The following PTPRA variants were observed in gnomAD, a reference collection of about 807,000 sequenced individuals.
PTPRA encodes protein tyrosine phosphatase receptor type A.
Under a neutral mutation model 104.8 loss-of-function variants are expected in PTPRA, and 25 were observed. The observed-to-expected ratio is 0.24, with a 90% confidence interval of 0.17 to 0.33. The LOEUF (loss-of-function observed/expected upper bound fraction) is 0.33, where lower values mean the gene tolerates loss of function less well. Ranked by LOEUF, PTPRA falls within the 10% of genes least tolerant of loss-of-function variation. The pLI is 1.00. For synonymous variants in PTPRA, 323 were observed against 368.9 expected, an observed-to-expected ratio of 0.88 and a Z score of 1.43; for missense variants, 765 against 1,015.3, an observed-to-expected ratio of 0.75 and a Z score of 3.35.
intron 2 of PTPRA, among the ~76,000 whole-genome samples, chr20:2,935,975 C>T (rs541739766): frequency 6.6e-6 from 1 of 151,408 alleles, no homozygotes; most frequent in African/African-American, 2.4e-5. Flanking sequence ...GCCAAGATCT[C>T]GCCATTGCAC....
At chr20:2,961,743 A>G (rs2061762194) in intron 3 of PTPRA, among the ~76,000 whole-genome samples, 1 of 152,166 alleles carries the variant, frequency 6.6e-6, no homozygotes, top group Non-Finnish European at 1.5e-5. Context: ...TTATAGTCTT[A>G]TGATTGATAT....
At chr20:2,982,464 A>T (rs1478661542) in intron 6 of PTPRA, among the ~76,000 whole-genome samples, 1 of 151,982 alleles carries the variant, frequency 6.6e-6, no homozygotes, top group Non-Finnish European at 1.5e-5. Flanking sequence ...TCTTTGGCTC[A>T]ACGTAATCCA....
At chr20:3,005,478 G>A (rs1294599132) in intron 10 of PTPRA, among the ~76,000 whole-genome samples, 3 of 152,096 alleles carry the variant, frequency 2.0e-5, no homozygotes, top group African/African-American at 4.8e-5. Flanking sequence ...TGAGCCCAGG[G>A]GGGCAGAGGT....
In PTPRA at chr20:3,031,480, ACT is replaced by A. The variant is rs1226316402; in HGVS notation, c.1920+3642_1920+3643del. ...TGCTCCTTTTGAGCCCCTGTTCCTG[ACT>A]CTGCTTTTGGAGGCATCAGTCACCA... On this transcript the variant is annotated intron_variant, in intron 20 of 23. Transcript: ENST00000399903. Among the ~76,000 whole-genome samples the A allele has an allele frequency of 4.0e-5, 6 of 151,706 alleles. No individual in the cohort carries two copies. The East Asian group carries it at 1.2e-3, about 29-fold the overall frequency.
At chr20:2,866,355 C>T in the PTPRA span, 44 of 1,613,978 alleles carry the variant, frequency 2.7e-5, no homozygotes, top group Non-Finnish European at 3.5e-5. Flanking sequence ...GGTGGCTGAG[C>T]TGTGGGCTGG....
chr20:2,992,910 T>C (rs1408973904), intron 9 of PTPRA, among the ~76,000 whole-genome samples: 1 of 152,168 alleles, frequency 6.6e-6, no homozygotes, highest in Non-Finnish European at 1.5e-5. Flanking sequence ...CTGGGCAACA[T>C]GGCGAAAGCC....
intron 11 of PTPRA, among the ~76,000 whole-genome samples, chr20:3,009,866 C>G (rs77781685): frequency 8.0e-5 from 11 of 137,882 alleles, no homozygotes; most frequent in Non-Finnish European, 1.5e-4. Flanking sequence ...TTTTTTTTTT[C>G]TGGAGACAGT....
At chr20:2,973,818 A>T (rs1453089953) in intron 5 of PTPRA, among the ~76,000 whole-genome samples, 1 of 152,200 alleles carries the variant, frequency 6.6e-6, no homozygotes, top group East Asian at 1.9e-4. Flanking sequence ...CAGCTAAAAA[A>T]CAAAGGTTCT....
At chr20:2,946,498 T>C (rs907412021) in intron 2 of PTPRA, among the ~76,000 whole-genome samples, 2 of 152,204 alleles carry the variant, frequency 1.3e-5, no homozygotes, top group African/African-American at 2.4e-5. Flanking sequence ...TTCGTATTCC[T>C]TTTTTAATTA....
chr20:2,982,955 C>T (rs2148099836), intron 6 of PTPRA, among the ~76,000 whole-genome samples: 1 of 152,262 alleles, frequency 6.6e-6, no homozygotes, highest in African/African-American at 2.4e-5. Context: ...ACCTCGGCTT[C>T]CCAAAGTGCT....
intron 1 of PTPRA, among the ~76,000 whole-genome samples, chr20:2,921,494 T>C (rs1302721180): frequency 6.6e-6 from 1 of 152,112 alleles, no homozygotes; most frequent in Non-Finnish European, 1.5e-5. Flanking sequence ...GTATAAATAA[T>C]AGATGGTTGT....
intron 17 of PTPRA, among the ~76,000 whole-genome samples, chr20:3,024,895 TC>T (rs11087562): frequency 0.57 from 86,017 of 152,056 alleles, 25,016 homozygotes; most frequent in East Asian, 0.8. Flanking sequence ...AGCAGTTTTT[TC>T]TGTAAGAGCC....
At chr20:2,872,434 G>C (rs968254605), upstream of PTPRA, among the ~76,000 whole-genome samples, 34 of 152,356 alleles carry the variant, frequency 2.2e-4, no homozygotes, top group Non-Finnish European at 2.8e-4. This position sits in a 1 kb window ranked among gnomAD's most constrained non-coding sequence, Gnocchi z 7.9. Flanking sequence ...CTGGGATAAA[G>C]CGTCCCCTAC....
chr20:2,899,187 G>A (rs1305198219), intron 1 of PTPRA, among the ~76,000 whole-genome samples: 1 of 152,132 alleles, frequency 6.6e-6, no homozygotes, highest in Non-Finnish European at 1.5e-5. Flanking sequence ...AACACAAAAA[G>A]TAGCCAGGCG....
chr20:3,021,496 G>A, intron 14 of PTPRA, 68 bp downstream of exon 14: 7 of 1,590,928 alleles, frequency 4.4e-6, no homozygotes. Flanking sequence ...GGAACAGGCT[G>A]GATCATCCCG....
chr20:2,864,549 C>G, the PTPRA span: 6 of 1,614,160 alleles, frequency 3.7e-6, no homozygotes, highest in Admixed American at 6.7e-5. The surrounding 1 kb of genome is among the most constrained non-coding windows in gnomAD (Gnocchi z 5.2). Context: ...GGCCCCAGTT[C>G]TGTAAGCATC....
At chr20:2,903,382 T>C (rs2059305341) in intron 1 of PTPRA, among the ~76,000 whole-genome samples, 1 of 152,164 alleles carries the variant, frequency 6.6e-6, no homozygotes, top group South Asian at 2.1e-4. Context: ...CTATTCCATT[T>C]ATATATAAGA....
intron 2 of PTPRA, among the ~76,000 whole-genome samples, chr20:2,932,103 A>T (rs2060527883): frequency 6.6e-6 from 1 of 152,224 alleles, no homozygotes; most frequent in South Asian, 2.1e-4. Flanking sequence ...GCTAAAATTG[A>T]GTAGTCATTG....
Position 3,021,393 on chromosome 20 carries a change from G to A in PTPRA, c.1126G>A (p.Val376Met). 1.9e-6 allele frequency: 3 copies of A among 1,614,118 alleles called. 1 individual carries two copies. The highest frequency in any genetic ancestry group is 2.2e-5 in the South Asian group (2 of 91,088). ...GTCTGTAGAGGATGTGACTGTCCTG[G>A]TGGACTACACAGTACGGAAGTTCTG... ...RVSVEDVTVL[V>M]DYTVRKFCIQ... Residue 376 changes from valine (V) to methionine (M), a missense_variant, in exon 14 of 24, where the codon GTG becomes ATG. By Grantham distance (21) the Val-to-Met change is conservative (BLOSUM62 1). Coordinates refer to ENST00000399903, the MANE Select transcript of PTPRA (RefSeq NM_001385305.1).
Sources: gnomAD v4.1 joint callset for allele counts (sites outside exome capture counted in the v4.1 genomes callset) on GRCh38, gnomAD v4.1.1 for gene constraint, Gnocchi (gnomAD v3.1) non-coding constraint, MANE v1.5 for transcripts, NCBI Gene and HGNC (gene_info 2026-07-23, HGNC 2026-07-21) for gene names.